MMP26: variants seen among roughly 807,000 people sequenced by gnomAD.
The protein encoded by MMP26 is matrix metalloproteinase-26.
MMP26 carries 33 observed loss-of-function variants against 31.0 expected under a neutral mutation model. The ratio of observed to expected loss-of-function variants is 1.06; its 90% CI spans 0.81 to 1.42. The LOEUF is 1.42. Among genes scored for constraint, MMP26 ranks in the 40% most tolerant of loss-of-function variants. The pLI is 0.00. For missense variants in MMP26, 347 were observed against 316.1 expected (o/e 1.10, Z -0.74); for synonymous variants, 122 against 114.9 (o/e 1.06, Z -0.40).
chr11:4,903,486 A>G (rs920101069), intron 2 of MMP26, among the ~76,000 whole-genome samples: 1 of 152,140 alleles, frequency 6.6e-6, no homozygotes, highest in Non-Finnish European at 1.5e-5. Context: ...ATTATAGATA[A>G]CATGTTATTT....
chr11:4,923,483 G>A, intron 2 of MMP26: 2 of 1,614,018 alleles, frequency 1.2e-6, no homozygotes, highest in Non-Finnish European at 1.7e-6. Flanking sequence ...CATAAGGGGT[G>A]GTACCAGCAG....
At chr11:4,931,435 C>CAAAG (rs1851345679) in intron 2 of MMP26, among the ~76,000 whole-genome samples, 1 of 151,686 alleles carries the variant, frequency 6.6e-6, no homozygotes, top group Non-Finnish European at 1.5e-5. Context: ...AGAAGAGGAA[C>CAAAG]AAAGAGCCAA....
At chr11:4,818,010 A>G (rs1849445126) in intron 2 of MMP26, among the ~76,000 whole-genome samples, 1 of 152,154 alleles carries the variant, frequency 6.6e-6, no homozygotes, top group African/African-American at 2.4e-5. Context: ...GCAGAAAGGG[A>G]GGAATGGGAA....
chr11:4,853,110 A>ACTT (rs1849998076), intron 2 of MMP26, among the ~76,000 whole-genome samples: 1 of 152,142 alleles, frequency 6.6e-6, no homozygotes, highest in African/African-American at 2.4e-5. Context: ...TAAGATGTGT[A>ACTT]AGTGTTAGAG....
At chr11:4,870,798 C>T (rs1269755541) in intron 2 of MMP26, among the ~76,000 whole-genome samples, 1 of 152,056 alleles carries the variant, frequency 6.6e-6, no homozygotes, top group African/African-American at 2.4e-5. Context: ...ATTTGTATTA[C>T]AGTGGAGTTA....
At chr11:4,808,161 G>A (rs963151433) in intron 2 of MMP26, among the ~76,000 whole-genome samples, 1 of 151,856 alleles carries the variant, frequency 6.6e-6, no homozygotes, top group Non-Finnish European at 1.5e-5. Context: ...ATAACAATGA[G>A]AAAACAGAGT....
At chr11:4,920,505 A>G (rs1477147041) in intron 2 of MMP26, among the ~76,000 whole-genome samples, 1 of 152,220 alleles carries the variant, frequency 6.6e-6, no homozygotes, top group Admixed American at 6.5e-5. Context: ...TGACACAGAA[A>G]GGAAATCTCC....
intron 1 of MMP26, among the ~76,000 whole-genome samples, chr11:4,757,746 A>G (rs1210908497): frequency 6.6e-6 from 1 of 151,970 alleles, no homozygotes; most frequent in East Asian, 1.9e-4. Context: ...TTAAACTGCT[A>G]TAAAATACCT....
At chr11:4,945,059 G>T (rs917254307) in intron 2 of MMP26, 4 of 151,760 alleles carry the variant, frequency 2.6e-5, no homozygotes, top group African/African-American at 9.7e-5. Context: ...GAAGAAGAAA[G>T]AAATGAAATA....
intron 2 of MMP26, among the ~76,000 whole-genome samples, chr11:4,927,833 A>G (rs1851294018): frequency 6.6e-6 from 1 of 152,192 alleles, no homozygotes; most frequent in Admixed American, 6.5e-5. Flanking sequence ...GACAGAGGTC[A>G]CAAGAGGCTG....
chr11:4,780,067 A>G (rs939111396), intron 2 of MMP26, among the ~76,000 whole-genome samples: 1 of 152,150 alleles, frequency 6.6e-6, no homozygotes, highest in African/African-American at 2.4e-5. Flanking sequence ...ATTTGTGGGT[A>G]TACATCAACT....
chr11:4,937,043 T>A (rs561026468), intron 2 of MMP26, among the ~76,000 whole-genome samples: 2 of 152,298 alleles, frequency 1.3e-5, no homozygotes, highest in South Asian at 4.1e-4. Context: ...AATACTTTTT[T>A]AAAGGTATTT....
chr11:4,761,647 A>C (rs538634005), intron 1 of MMP26, among the ~76,000 whole-genome samples: 2 of 152,358 alleles, frequency 1.3e-5, no homozygotes, highest in South Asian at 4.1e-4. Context: ...AATGAAATTG[A>C]ATCATTTCTT....
chr11:4,931,513 TAG>T (rs1455335455), intron 2 of MMP26, among the ~76,000 whole-genome samples: 1 of 152,044 alleles, frequency 6.6e-6, no homozygotes. Context: ...GTTTTATATA[TAG>T]AGAGATTTAT....
At chr11:4,965,912 T>C (rs994350096) in intron 2 of MMP26, among the ~76,000 whole-genome samples, 2 of 152,178 alleles carry the variant, frequency 1.3e-5, no homozygotes, top group Non-Finnish European at 2.9e-5. Context: ...TCCTTCTAAG[T>C]AGTTGTAGCA....
In MMP26 at chr11:4,858,373, C is replaced by G. The variant is rs1850088904; in HGVS notation, c.-145+91032C>G. The stretch of plus-strand genomic sequence containing the variant: ...TCCTTAAGCTGATAAGCAGCTTCAG[C>G]AAAGTCTCAGGATACAAAATCAATG... On this transcript the variant is annotated intron_variant, in intron 2 of 7. Transcript: ENST00000380390. Among the ~76,000 whole-genome samples, 4 of 152,184 alleles carry G rather than the reference C, an allele frequency of 2.6e-5. No homozygotes were observed. The South Asian group carries it at 8.3e-4, about 32-fold the overall frequency.
chr11:4,775,749 A>T (rs1480019537), intron 2 of MMP26, among the ~76,000 whole-genome samples: 4 of 120,714 alleles, frequency 3.3e-5, no homozygotes, highest in African/African-American at 1.1e-4. Context: ...GAAGTGAGTG[A>T]GAGAGAGAGA....
At chr11:4,814,138 C>T (rs908056876) in intron 2 of MMP26, among the ~76,000 whole-genome samples, 4 of 152,104 alleles carry the variant, frequency 2.6e-5, no homozygotes, top group African/African-American at 9.7e-5. Context: ...GCACTGACAA[C>T]ACTAAGTATT....
chr11:4,907,595 T>C, intron 2 of MMP26: 1 of 1,613,850 alleles, frequency 6.2e-7, no homozygotes, highest in South Asian at 1.1e-5. Context: ...CCTGTCCCTC[T>C]CCTCCCTTCC....
Sources: allele counts gnomAD v4.1 joint callset (sites outside exome capture counted in the v4.1 genomes callset), GRCh38; gene constraint gnomAD v4.1.1; transcripts MANE v1.5; gene names NCBI Gene and HGNC (gene_info 2026-07-23, HGNC 2026-07-21).